HS6ST2: variants seen among roughly 807,000 people sequenced by gnomAD.
HS6ST2 encodes heparan-sulfate 6-O-sulfotransferase 2.
A neutral mutation model predicts 33.0 loss-of-function variants in HS6ST2; 17 were observed. That is an observed-to-expected ratio of 0.52 (90% CI 0.35 to 0.77). The LOEUF (loss-of-function observed/expected upper bound fraction) is 0.77, where lower values mean the gene tolerates loss of function less well. HS6ST2 is among the 30% of genes least tolerant of loss of function. The pLI is 0.01. For missense variants in HS6ST2, 519 were observed against 551.7 expected, an observed-to-expected ratio of 0.94 and a Z score of 0.59; for synonymous variants, 248 against 237.1, an observed-to-expected ratio of 1.05 and a Z score of -0.42.
At chrX:132,862,312 T>G (rs759115732) in intron 2 of HS6ST2, among the ~76,000 whole-genome samples, 33 of 112,134 alleles carry the variant, frequency 2.9e-4, no homozygotes, top group African/African-American at 1.1e-3. Context: ...CAGTTTTATT[T>G]CTTTCAATGG....
intron 2 of HS6ST2, among the ~76,000 whole-genome samples, chrX:132,865,162 G>A (rs2065958554): frequency 2.3e-5 from 2 of 87,186 alleles, no homozygotes; most frequent in Admixed American, 1.6e-4. Context: ...AGAGTGTGAT[G>A]TTCCCCTTCC....
intron 2 of HS6ST2, among the ~76,000 whole-genome samples, chrX:132,851,301 G>T (rs944098843): frequency 8.9e-6 from 1 of 112,159 alleles, no homozygotes; most frequent in African/African-American, 3.2e-5. Context: ...ATCAACTTCA[G>T]AAATAAACAC....
intron 2 of HS6ST2, among the ~76,000 whole-genome samples, chrX:132,817,453 A>G (rs760162060): frequency 6.3e-5 from 7 of 111,283 alleles, no homozygotes; most frequent in Non-Finnish European, 1.3e-4. Context: ...ACAGCCCTCC[A>G]GGGAACACTG....
chrX:132,777,376 A>T (rs985031759), intron 2 of HS6ST2, among the ~76,000 whole-genome samples: 7 of 108,850 alleles, frequency 6.4e-5, no homozygotes, highest in African/African-American at 2.4e-4. Context: ...AGTTAAAATG[A>T]TGCATTTGGC....
chrX:132,806,938 G>T (rs891950024), intron 2 of HS6ST2, among the ~76,000 whole-genome samples: 27 of 109,502 alleles, frequency 2.5e-4, no homozygotes, highest in African/African-American at 7.2e-4. Context: ...TGGGGTCTTT[G>T]GTTTAGTCTT....
At chrX:132,833,753 G>A (rs978457150) in intron 2 of HS6ST2, among the ~76,000 whole-genome samples, 3 of 108,698 alleles carry the variant, frequency 2.8e-5, no homozygotes, top group Non-Finnish European at 5.8e-5. Flanking sequence ...AAGTTTTCAC[G>A]GCCAGATCTT....
chrX:132,731,987 T>C (rs2064462995), intron 2 of HS6ST2, among the ~76,000 whole-genome samples: 1 of 112,151 alleles, frequency 8.9e-6, no homozygotes, highest in African/African-American at 3.2e-5. Context: ...GAAATATTGG[T>C]AAAGCCAGCA....
rs183481171 is a variant in HS6ST2, at chrX:132,948,398, G to A, written c.947+8410C>T. ...ATTTATATCATAGGATAACAAGTTC[G>A]AAACTATTGCCAAGTTATAAATATG... On this transcript the variant is annotated intron_variant, in intron 2 of 4. Transcript: ENST00000370833. 1.8e-3 allele frequency among the ~76,000 whole-genome samples: 204 copies of A among 112,240 alleles called. 2 individuals are homozygous for A. The highest frequency in any genetic ancestry group is 6.1e-3 in the African/African-American group (188 of 31,022).
At chrX:132,776,043 G>A (rs1340234059) in intron 2 of HS6ST2, among the ~76,000 whole-genome samples, 1 of 102,015 alleles carries the variant, frequency 9.8e-6, no homozygotes, top group African/African-American at 3.7e-5. Flanking sequence ...ACTCATCAAT[G>A]TAAATACTAT....
chrX:132,783,944 G>T (rs180996928), intron 2 of HS6ST2, among the ~76,000 whole-genome samples: 1 of 111,634 alleles, frequency 9.0e-6, no homozygotes, highest in South Asian at 3.8e-4. Context: ...AAAAATATTC[G>T]CCTGGAAAGC....
intron 2 of HS6ST2, among the ~76,000 whole-genome samples, chrX:132,867,646 A>G (rs1219534289): frequency 9.0e-6 from 1 of 111,697 alleles, no homozygotes; most frequent in Non-Finnish European, 1.9e-5. Context: ...TGATTATAAG[A>G]AAACAATTTT....
At chrX:132,899,152 TG>T (rs1217810699) in intron 2 of HS6ST2, among the ~76,000 whole-genome samples, 1 of 111,724 alleles carries the variant, frequency 9.0e-6, no homozygotes, top group African/African-American at 3.3e-5. Context: ...TCCAATTAAC[TG>T]CATGCTGGTT....
intron 2 of HS6ST2, among the ~76,000 whole-genome samples, chrX:132,947,820 G>GT (rs1212334007): frequency 2.7e-5 from 3 of 111,633 alleles, no homozygotes; most frequent in Non-Finnish European, 5.7e-5. Flanking sequence ...TTTCTGGGTT[G>GT]TATGATGTAA....
chrX:132,666,826 C>G (rs1356482586), intron 4 of HS6ST2, among the ~76,000 whole-genome samples: 1 of 111,605 alleles, frequency 9.0e-6, no homozygotes, highest in Non-Finnish European at 1.9e-5. Context: ...GCTCTATATC[C>G]TATTGTCATT....
upstream of HS6ST2, chrX:132,958,829 T>C: frequency 2.8e-6 from 1 of 352,016 alleles, no homozygotes; most frequent in Non-Finnish European, 4.9e-6. Flanking sequence ...TCCGTCTCTC[T>C]TTGCCAATTT....
intron 2 of HS6ST2, among the ~76,000 whole-genome samples, chrX:132,850,655 C>T (rs1408715637): frequency 1.8e-5 from 2 of 110,909 alleles, no homozygotes; most frequent in African/African-American, 6.6e-5. Context: ...GAAGTCTACA[C>T]ATACAGATGT....
chrX:132,741,159 G>T (rs1211034797), intron 2 of HS6ST2, among the ~76,000 whole-genome samples: 1 of 111,721 alleles, frequency 9.0e-6, no homozygotes, highest in Non-Finnish European at 1.9e-5. Context: ...GGCCAGCTGC[G>T]CCGGCAAAGC....
rs566320164 is a variant in HS6ST2, at chrX:132,742,478, C to T, written c.948-33984G>A. ...GGGCTCCTCCCACTGTGTACCCCAC[C>T]CCTAGACAGGCTACCACATGGCTAG... On this transcript the variant is annotated intron_variant, in intron 2 of 4. Coordinates refer to ENST00000370833, the MANE Select transcript of HS6ST2 (RefSeq NM_001394073.1). 5.4e-5 allele frequency among the ~76,000 whole-genome samples: 6 copies of T among 111,452 alleles called. No homozygotes were observed. In the South Asian group the frequency reaches 1.5e-3, roughly 28 times the overall value.
At chrX:132,786,247 G>T (rs1023861793) in intron 2 of HS6ST2, among the ~76,000 whole-genome samples, 2 of 111,840 alleles carry the variant, frequency 1.8e-5, no homozygotes, top group African/African-American at 6.5e-5. Context: ...GGATGACTAT[G>T]TTCAATTTAT....
Sources: gnomAD v4.1 joint callset for allele counts (sites outside exome capture counted in the v4.1 genomes callset) on GRCh38, gnomAD v4.1.1 for gene constraint, MANE v1.5 for transcripts, NCBI Gene and HGNC (gene_info 2026-07-23, HGNC 2026-07-21) for gene names.